SREBF2: variants seen among roughly 807,000 people sequenced by gnomAD.
SREBF2 encodes the protein sterol regulatory element-binding protein 2.
A neutral mutation model predicts 113.1 loss-of-function variants in SREBF2; 55 were observed. The ratio of observed to expected loss-of-function variants is 0.49; its 90% CI spans 0.39 to 0.61. The LOEUF (loss-of-function observed/expected upper bound fraction) is 0.61, where lower values mean the gene tolerates loss of function less well. Ranked by LOEUF, SREBF2 falls within the 20% of genes least tolerant of loss-of-function variation. The pLI, the probability that SREBF2 is intolerant of heterozygous loss-of-function variation, is 0.00. For synonymous variants in SREBF2, 593 were observed against 605.7 expected (o/e 0.98, Z 0.31); for missense variants, 1,349 against 1,487.4 (o/e 0.91, Z 1.53).
At chr22:41,871,154 C>A in intron 4 of SREBF2, 119 bp downstream of exon 4, 1 of 1,363,584 alleles carries the variant, frequency 7.3e-7, no homozygotes, top group Non-Finnish European at 1.0e-6. Flanking sequence ...TAGCACAAAT[C>A]AGTCAAATTG....
At chr22:41,891,795 C>T (rs1292635918) in intron 11 of SREBF2, among the ~76,000 whole-genome samples, 1 of 152,232 alleles carries the variant, frequency 6.6e-6, no homozygotes, top group Non-Finnish European at 1.5e-5. Flanking sequence ...TGTCTTCTGT[C>T]CTCAGTTCCT....
At chr22:41,880,570 T>C in intron 9 of SREBF2, 146 bp from the exon 10 acceptor site, 2 of 1,087,522 alleles carry the variant, frequency 1.8e-6, no homozygotes, top group South Asian at 1.3e-5. Context: ...TTGTTTTACT[T>C]TCTTGTAGCT....
In SREBF2 at chr22:41,896,881, C is replaced by T. The variant is rs17848348; in HGVS notation, c.2496-171C>T. On this transcript the variant is annotated intron_variant, in intron 13 of 18. Coordinates refer to ENST00000361204, the MANE Select transcript of SREBF2 (RefSeq NM_004599.4). ...AGCCCAGAGACACGGAGGAAGGATG[C>T]CTGAGGAATACAAAGGGTACACATA... Among the ~76,000 whole-genome samples, 9,647 of 152,110 alleles carry T rather than the reference C, an allele frequency of 0.063. 343 individuals carry two copies. Among genetic ancestry groups the T allele is most frequent in the Non-Finnish European group, 0.08 (5,467 of 67,990 alleles).
rs575239574 is a variant in SREBF2, at chr22:41,904,979, G to A, written c.3205+5G>A. ...CCACGCAGAGCACCAAGCACGGTGA[G>A]TCCACCCCTCCCCAGCTCACAGGCT... On this transcript the variant is annotated splice_donor_5th_base_variant and intron_variant, in intron 18 of 18. Transcript: ENST00000361204. 3 of 1,584,972 alleles carry A rather than the reference G, an allele frequency of 1.9e-6. No individual in the cohort carries two copies. The Admixed American group carries it at 5.2e-5, about 28-fold the overall frequency.
chr22:41,893,133 G>A lies in SREBF2; in HGVS notation c.2225G>A (p.Arg742Gln), dbSNP rs148258168. The change falls in exon 12 of 19, where the codon CGA becomes CAA. Residue 742 changes from arginine (R) to glutamine (Q), a missense_variant. By Grantham distance (43) the Arg-to-Gln change is conservative. Coordinates refer to ENST00000361204, the MANE Select transcript of SREBF2 (RefSeq NM_004599.4). Reference protein sequence around the residue: ...LGFLASYFLSRAQSLCGPEHS... With the variant: ...LGFLASYFLSQAQSLCGPEHS... The stretch of plus-strand genomic sequence containing the variant: ...CTTCCACAGAGCTACTTCCTCAGCC[G>A]AGCCCAGAGCCTGTGTGGCCCCGAG... 39 of 1,613,558 alleles carry A rather than the reference G, an allele frequency of 2.4e-5. No homozygotes were observed. Among genetic ancestry groups the A allele is most frequent in the Admixed American group, 1.8e-4 (11 of 59,986 alleles).
At chr22:41,900,637 A>T (rs1010657383) in intron 16 of SREBF2, 139 bp downstream of exon 16, 1 of 891,686 alleles carries the variant, frequency 1.1e-6, no homozygotes. Flanking sequence ...CCTTTCAAAA[A>T]AGTTACGGCT....
chr22:41,877,521 AG>A (rs2077207872), intron 8 of SREBF2, 100 bp downstream of exon 8: 1 of 1,402,686 alleles, frequency 7.1e-7, no homozygotes, highest in Non-Finnish European at 9.8e-7. Flanking sequence ...CAGGTCCCAA[AG>A]GGCTTTTATA....
chr22:41,885,024 C>T lies in SREBF2; in HGVS notation c.2208+13C>T, dbSNP rs1401109996. 5 of 1,613,712 alleles carry T rather than the reference C, an allele frequency of 3.1e-6. No individual in the cohort carries two copies. Among genetic ancestry groups the T allele is most frequent in the African/African-American group, 1.3e-5 (1 of 74,916 alleles). The stretch of plus-strand genomic sequence containing the variant: ...GGGCTTCCTGGCCGTGAGTACCCTT[C>T]GGTTCCCTTCTGTAAACCTCCCCTG... On this transcript the variant is annotated intron_variant, in intron 11 of 18. Coordinates refer to ENST00000361204, the MANE Select transcript of SREBF2 (RefSeq NM_004599.4).
chr22:41,904,244 C>G (rs73165117), intron 17 of SREBF2, among the ~76,000 whole-genome samples: 10,039 of 152,210 alleles, frequency 0.066, 348 homozygotes, highest in Non-Finnish European at 0.079. Context: ...CAGCGGCTCC[C>G]CATTGCCTAC....
At chr22:41,855,015 G>C (rs909103461) in intron 1 of SREBF2, among the ~76,000 whole-genome samples, 1 of 141,248 alleles carries the variant, frequency 7.1e-6, no homozygotes, top group African/African-American at 2.6e-5. Flanking sequence ...GGCATGTGCA[G>C]CATTAAAAAA....
At position 41,854,999 on chromosome 22, in the gene SREBF2, C is replaced by T. The variant is rs148542612; in HGVS notation, c.89-11832C>T. On this transcript the variant is annotated intron_variant, in intron 1 of 18. Transcript: ENST00000361204. ...CATCTTAGCCTCCCGTGTAGCTGGA[C>T]CAACAGGCATGTGCAGCATTAAAAA... Among the ~76,000 whole-genome samples the T allele has an allele frequency of 4.1e-3, 610 of 149,368 alleles. 5 individuals are homozygous for T. Among genetic ancestry groups the T allele is most frequent in the African/African-American group, 0.015 (592 of 40,632 alleles).
Position 41,867,138 on chromosome 22 carries a change from GCCCCGC to G in SREBF2, c.401_406del (p.Arg134_Pro135del). On this transcript the variant is annotated inframe_deletion, in exon 2 of 19. Transcript: ENST00000361204. ...CACCCAGGGCAACTCCTATTCTTCAGCCCCGCCCCCAGCCCCAGCCTCAACCTCAAA... is the reference window on the plus strand; with the variant it reads ...CACCCAGGGCAACTCCTATTCTTCAGCCCCAGCCCCAGCCTCAACCTCAAA... 1 of 1,614,088 alleles carries G rather than the reference GCCCCGC, an allele frequency of 6.2e-7. No homozygotes were observed. The highest frequency in any genetic ancestry group is 1.1e-5 in the South Asian group (1 of 91,078).
In SREBF2 at chr22:41,906,566, T is replaced by C. The variant is rs142525699; in HGVS notation, c.*906T>C. On this transcript the variant is annotated 3_prime_UTR_variant, in exon 19 of 19. Transcript: ENST00000361204. ...AGACTGTCCCCAACTTAACAGTGGT[T>C]CAACTTAAACCATGTTTCAACTTTA... The C allele has an allele frequency of 1.0e-4, 16 of 153,074 alleles. No individual in the cohort carries two copies. The highest frequency in any genetic ancestry group is 3.8e-4 in the African/African-American group (16 of 41,564). 9.5% of individuals were successfully genotyped at this position (153,074 alleles called of 1,614,324 possible).
intron 8 of SREBF2, 120 bp from the exon 9 acceptor site, chr22:41,877,822 G>T: frequency 9.7e-7 from 1 of 1,032,750 alleles, no homozygotes; most frequent in Non-Finnish European, 1.5e-6. Context: ...AGAATTATTT[G>T]CCCTTTCTTC....
chr22:41,870,266 C>T (rs1353331774), intron 3 of SREBF2, among the ~76,000 whole-genome samples: 3 of 152,228 alleles, frequency 2.0e-5, no homozygotes, highest in Non-Finnish European at 4.4e-5. Context: ...ATCCACCCTA[C>T]CCATCTCTGC....
intron 1 of SREBF2, among the ~76,000 whole-genome samples, chr22:41,842,944 C>T (rs1045756840): frequency 1.3e-5 from 2 of 151,476 alleles, no homozygotes; most frequent in Admixed American, 6.6e-5. Context: ...GAGCTGAAAT[C>T]GCACCACTGT....
chr22:41,841,418 C>G (rs998222720), intron 1 of SREBF2, among the ~76,000 whole-genome samples: 4 of 152,150 alleles, frequency 2.6e-5, no homozygotes, highest in African/African-American at 9.7e-5. Flanking sequence ...GTTACATTTC[C>G]TGGGATATGT....
At chr22:41,835,033 T>A (rs1329343169) in intron 1 of SREBF2, among the ~76,000 whole-genome samples, 2 of 152,178 alleles carry the variant, frequency 1.3e-5, no homozygotes, top group African/African-American at 2.4e-5. Context: ...CAGTAGAAAG[T>A]ACTGTATGTC....
intron 1 of SREBF2, among the ~76,000 whole-genome samples, chr22:41,837,294 A>C (rs2076784834): frequency 6.6e-6 from 1 of 152,194 alleles, no homozygotes; most frequent in African/African-American, 2.4e-5. Context: ...ACAGTGGCTC[A>C]TGCCTGTAAT....
Sources: allele counts gnomAD v4.1 joint callset (sites outside exome capture counted in the v4.1 genomes callset), GRCh38; gene constraint gnomAD v4.1.1; transcripts MANE v1.5; gene names NCBI Gene and HGNC (gene_info 2026-07-23, HGNC 2026-07-21).